COP1: variants seen among roughly 807,000 people sequenced by gnomAD.
COP1 encodes the protein COP1 E3 ubiquitin ligase, also known as E3 ubiquitin-protein ligase COP1.
COP1 carries 24 observed loss-of-function variants against 101.3 expected under a neutral mutation model. That is an observed-to-expected ratio of 0.24 (90% CI 0.17 to 0.33). COP1 has a LOEUF of 0.33. COP1 is among the 10% of genes least tolerant of loss of function. The probability of loss-of-function intolerance (pLI) is 1.00; values close to 1 mark genes in which losing one functional copy is unlikely to be tolerated. For missense variants in COP1, 663 were observed against 906.2 expected (o/e 0.73, Z 3.45); for synonymous variants, 347 against 341.9 (o/e 1.01, Z -0.17).
intron 15 of COP1, among the ~76,000 whole-genome samples, chr1:176,016,161 T>C (rs1469226777): frequency 6.6e-6 from 1 of 152,100 alleles, no homozygotes; most frequent in East Asian, 1.9e-4. Flanking sequence ...TTTTTTTAGC[T>C]AAGAGTGGAA....
At chr1:175,991,643 T>C (rs1430492890) in intron 15 of COP1, among the ~76,000 whole-genome samples, 5 of 152,226 alleles carry the variant, frequency 3.3e-5, no homozygotes, top group African/African-American at 1.2e-4. Context: ...ACACTTAGCT[T>C]AAAACACATA....
At chr1:176,186,162 A>G (rs1369469697) in intron 1 of COP1, among the ~76,000 whole-genome samples, 4 of 152,134 alleles carry the variant, frequency 2.6e-5, no homozygotes, top group Non-Finnish European at 4.4e-5. Context: ...TTCACTGAAT[A>G]TGTCAGGAGC....
At chr1:176,007,373 T>C (rs1340940126) in intron 15 of COP1, among the ~76,000 whole-genome samples, 1 of 152,244 alleles carries the variant, frequency 6.6e-6, no homozygotes, top group African/African-American at 2.4e-5. Flanking sequence ...CCAGCTTTGT[T>C]CCGTTGCTGG....
intron 18 of COP1, among the ~76,000 whole-genome samples, chr1:175,974,943 C>G (rs1384970213): frequency 7.1e-6 from 1 of 140,844 alleles, no homozygotes; most frequent in Admixed American, 7.0e-5. Flanking sequence ...AAAAAAAAAA[C>G]CCACAAAGAA....
At chr1:176,037,515 C>A (rs1669779809) in intron 14 of COP1, among the ~76,000 whole-genome samples, 3 of 146,008 alleles carry the variant, frequency 2.1e-5, no homozygotes, top group South Asian at 2.2e-4. Context: ...ATTACAAAAA[C>A]AGAAAAAAAA....
At chr1:176,194,916 A>C (rs1440102471) in intron 1 of COP1, among the ~76,000 whole-genome samples, 1 of 122,784 alleles carries the variant, frequency 8.1e-6, no homozygotes, top group Admixed American at 9.2e-5. Context: ...TCTCTACAAA[A>C]TAAAATTAAA....
At chr1:176,035,523 G>T (rs1032125777) in intron 14 of COP1, among the ~76,000 whole-genome samples, 3 of 151,594 alleles carry the variant, frequency 2.0e-5, no homozygotes, top group African/African-American at 4.8e-5. Context: ...TATTGACAGG[G>T]ATAGTGATAT....
At chr1:176,166,066 G>C (rs1374138525) in intron 3 of COP1, among the ~76,000 whole-genome samples, 1 of 152,136 alleles carries the variant, frequency 6.6e-6, no homozygotes, top group African/African-American at 2.4e-5. Flanking sequence ...AATACTGTAA[G>C]ATCAAACATT....
Position 175,945,013 on chromosome 1 carries a change from G to A in COP1, c.*140C>T, listed in dbSNP as rs1356572383. On this transcript the variant is annotated 3_prime_UTR_variant, in exon 20 of 20. Coordinates refer to ENST00000367669, the MANE Select transcript of COP1 (RefSeq NM_022457.7). ...TCATAAAGGAGGGAAAAGAAAAAAA[G>A]AAAAAAATATTCAAAACAAATCCAA... The A allele has an allele frequency of 1.4e-6, 1 of 715,806 alleles. No homozygotes were observed. Among genetic ancestry groups the A allele is most frequent in the Non-Finnish European group, 2.4e-6 (1 of 425,298 alleles). 44.3% of individuals were successfully genotyped at this position (715,806 alleles called of 1,614,324 possible). A position where few individuals can be genotyped will look rare whatever the true frequency, so the allele number is the denominator to read the frequency against.
At chr1:176,083,904 A>G (rs1447802558) in intron 10 of COP1, among the ~76,000 whole-genome samples, 3 of 152,220 alleles carry the variant, frequency 2.0e-5, no homozygotes, top group African/African-American at 4.8e-5. Context: ...TACGTACAAT[A>G]CAGCCATACC....
At chr1:176,170,852 G>A (rs865867565) in intron 3 of COP1, among the ~76,000 whole-genome samples, 10 of 152,254 alleles carry the variant, frequency 6.6e-5, no homozygotes, top group South Asian at 2.1e-4. Context: ...TAGGCAAGGC[G>A]TGATAGCTCA....
intron 18 of COP1, among the ~76,000 whole-genome samples, chr1:175,957,856 A>G (rs1034117410): frequency 6.6e-6 from 1 of 152,242 alleles, no homozygotes; most frequent in Non-Finnish European, 1.5e-5. Context: ...AGAAGGAACT[A>G]CAGATACAGG....
At chr1:176,010,888 T>C (rs1313387560) in intron 15 of COP1, among the ~76,000 whole-genome samples, 1 of 152,204 alleles carries the variant, frequency 6.6e-6, no homozygotes, top group African/African-American at 2.4e-5. Context: ...CAAGGTGATA[T>C]CAAAAATATC....
At chr1:176,149,772 T>C (rs984025775) in intron 5 of COP1, among the ~76,000 whole-genome samples, 2 of 151,816 alleles carry the variant, frequency 1.3e-5, no homozygotes, top group Non-Finnish European at 2.9e-5. Flanking sequence ...ACTGTTAAAA[T>C]TCACAAGAAC....
intron 1 of COP1, among the ~76,000 whole-genome samples, chr1:176,192,729 T>C (rs1572781353): frequency 6.6e-6 from 1 of 152,138 alleles, no homozygotes; most frequent in African/African-American, 2.4e-5. Context: ...CAGGAATTTC[T>C]ATTACAGTAT....
chr1:176,133,169 TAC>T (rs1689191437), intron 8 of COP1, among the ~76,000 whole-genome samples: 1 of 119,828 alleles, frequency 8.3e-6, no homozygotes, highest in African/African-American at 2.7e-5. Flanking sequence ...TATACGTATG[TAC>T]ACACATACGT....
At chr1:175,968,944 G>A (rs2148589114) in intron 18 of COP1, among the ~76,000 whole-genome samples, 1 of 152,284 alleles carries the variant, frequency 6.6e-6, no homozygotes, top group East Asian at 1.9e-4. Context: ...TGAGAAAAAT[G>A]TGCTTACAAT....
At chr1:176,053,590 T>C (rs564514179) in intron 11 of COP1, among the ~76,000 whole-genome samples, 1 of 152,286 alleles carries the variant, frequency 6.6e-6, no homozygotes, top group Admixed American at 6.5e-5. Context: ...CACACAACCA[T>C]GACCACACCC....
chr1:176,119,196 A>C (rs1686696356), intron 8 of COP1, among the ~76,000 whole-genome samples: 1 of 152,250 alleles, frequency 6.6e-6, no homozygotes, highest in African/African-American at 2.4e-5. Context: ...AAGAGGACTG[A>C]AAGTGAGGCA....
Sources: gnomAD v4.1 joint callset for allele counts (sites outside exome capture counted in the v4.1 genomes callset) on GRCh38, gnomAD v4.1.1 for gene constraint, MANE v1.5 for transcripts, NCBI Gene and HGNC (gene_info 2026-07-23, HGNC 2026-07-21) for gene names.